The following LAMA2 variants were observed in gnomAD, a reference collection of about 807,000 sequenced individuals.
LAMA2 encodes the protein laminin subunit alpha 2, also known as laminin subunit alpha-2.
A neutral mutation model predicts 364.8 loss-of-function variants in LAMA2; 269 were observed. The observed-to-expected ratio is 0.74, with a 90% CI of 0.67 to 0.82. The LOEUF is 0.82. LAMA2 is among the 40% of genes least tolerant of loss of function. The pLI, the probability that LAMA2 is intolerant of heterozygous loss-of-function variation, is 0.00. For missense variants in LAMA2, 3,807 were observed against 3,873.2 expected (o/e 0.98, Z 0.45); for synonymous variants, 1,379 against 1,370.6 (o/e 1.01, Z -0.14).
At chr6:129,179,518 G>T (rs1190762294) in intron 10 of LAMA2, among the ~76,000 whole-genome samples, 2 of 152,172 alleles carry the variant, frequency 1.3e-5, no homozygotes, top group East Asian at 3.9e-4. Flanking sequence ...GGGCTCCAAG[G>T]GAAAGCCCCT....
intron 29 of LAMA2, among the ~76,000 whole-genome samples, chr6:129,330,614 T>TTC (rs1336372681): frequency 6.7e-6 from 1 of 150,032 alleles, no homozygotes; most frequent in Non-Finnish European, 1.5e-5. Flanking sequence ...TTTTTTTTTT[T>TTC]TCCCACTGTG....
At chr6:128,971,236 T>A (rs1782168896) in intron 1 of LAMA2, among the ~76,000 whole-genome samples, 2 of 152,206 alleles carry the variant, frequency 1.3e-5, no homozygotes, top group Non-Finnish European at 2.9e-5. Flanking sequence ...ATTATATTGA[T>A]CATTTACAAT....
chr6:129,470,382 A>G, intron 51 of LAMA2, among the ~76,000 whole-genome samples: 1 of 151,958 alleles, frequency 6.6e-6, no homozygotes, highest in East Asian at 1.9e-4. Context: ...GGCAAAAATC[A>G]GGTCCAAGCA....
chr6:128,946,774 T>C (rs947113651), intron 1 of LAMA2, among the ~76,000 whole-genome samples: 2 of 152,222 alleles, frequency 1.3e-5, no homozygotes, highest in African/African-American at 4.8e-5. Flanking sequence ...CAGCGCCCAG[T>C]TGGAACATTT....
intron 1 of LAMA2, among the ~76,000 whole-genome samples, chr6:129,024,102 C>T (rs912977892): frequency 3.9e-5 from 6 of 152,092 alleles, no homozygotes; most frequent in African/African-American, 7.2e-5. Flanking sequence ...GGGAAAAGTC[C>T]GGTCTCTTCC....
At chr6:129,383,315 C>G (rs189043247) in intron 35 of LAMA2, 82 bp downstream of exon 35, 34 of 1,087,548 alleles carry the variant, frequency 3.1e-5, no homozygotes, top group Admixed American at 5.9e-5. Context: ...TGGAATTTCT[C>G]TTGTTATAAG....
intron 1 of LAMA2, among the ~76,000 whole-genome samples, chr6:128,955,043 A>T (rs2114577904): frequency 6.6e-6 from 1 of 151,834 alleles, no homozygotes; most frequent in Non-Finnish European, 1.5e-5. Flanking sequence ...ATTATTATTG[A>T]GATGTTTCAT....
intron 61 of LAMA2, among the ~76,000 whole-genome samples, chr6:129,506,516 T>C (rs960421650): frequency 7.2e-5 from 11 of 152,184 alleles, no homozygotes; most frequent in Non-Finnish European, 1.3e-4. Flanking sequence ...AGTACAGTTA[T>C]CCAATTTTGG....
chr6:129,451,174 C>T (rs920679454), intron 45 of LAMA2, among the ~76,000 whole-genome samples: 1 of 152,160 alleles, frequency 6.6e-6, no homozygotes, highest in Non-Finnish European at 1.5e-5. Context: ...TATTAACATC[C>T]AAGTAAAAAT....
In LAMA2 at chr6:129,205,763, G is replaced by A. The variant is rs117700734; in HGVS notation, c.1782+12910G>A. 5.5e-4 allele frequency among the ~76,000 whole-genome samples: 83 copies of A among 152,108 alleles called. 2 individuals carry two copies. The East Asian group carries it at 0.016, about 29-fold the overall frequency. On this transcript the variant is annotated intron_variant, in intron 12 of 64. Coordinates refer to ENST00000421865, the MANE Select transcript of LAMA2 (RefSeq NM_000426.4). ...TAGGAGGCCAGGTGCACTGGCTCAC[G>A]CCTGTAATCCCAACACTTTTGGTGG...
At position 129,369,639 on chromosome 6, in the gene LAMA2, A is replaced by C. The variant is rs1020504737; in HGVS notation, c.4861-253A>C. 4.6e-5 allele frequency among the ~76,000 whole-genome samples: 7 copies of C among 152,314 alleles called. No individual in the cohort carries two copies. In the East Asian group the frequency reaches 1.3e-3, roughly 29 times the overall value. On this transcript the variant is annotated intron_variant, in intron 33 of 64. Transcript: ENST00000421865. ...CTTACCCCCCATAGAGCTGTTGTGA[A>C]AATTAAATGAAAAAACAAAACATAA...
chr6:129,437,690 G>T (rs1781901669), intron 41 of LAMA2, among the ~76,000 whole-genome samples: 2 of 151,880 alleles, frequency 1.3e-5, no homozygotes, highest in Non-Finnish European at 2.9e-5. Flanking sequence ...TTCATATTTT[G>T]TTTTTTCAAT....
intron 1 of LAMA2, among the ~76,000 whole-genome samples, chr6:129,024,787 T>G (rs1785690006): frequency 6.6e-6 from 1 of 152,026 alleles, no homozygotes; most frequent in Admixed American, 6.6e-5. Flanking sequence ...TTATGGTCAG[T>G]CAGAGTAAAA....
chr6:129,389,367 C>G (rs910115782), intron 35 of LAMA2, among the ~76,000 whole-genome samples: 5 of 152,092 alleles, frequency 3.3e-5, no homozygotes, highest in African/African-American at 1.2e-4. Context: ...CTGAGAGGTC[C>G]AAGATCAAGG....
At chr6:128,899,663 C>T (rs994581280) in intron 1 of LAMA2, among the ~76,000 whole-genome samples, 8 of 152,170 alleles carry the variant, frequency 5.3e-5, no homozygotes, top group African/African-American at 1.9e-4. Context: ...TAAATTTCTA[C>T]AAATACTGAA....
intron 1 of LAMA2, among the ~76,000 whole-genome samples, chr6:129,017,981 T>G (rs1785184074): frequency 6.6e-6 from 1 of 151,996 alleles, no homozygotes; most frequent in African/African-American, 2.4e-5. Context: ...GAAATTTTGT[T>G]TCTGATGGCA....
intron 4 of LAMA2, among the ~76,000 whole-genome samples, chr6:129,134,034 G>T (rs955713356): frequency 1.3e-5 from 2 of 152,154 alleles, no homozygotes; most frequent in Admixed American, 1.3e-4. Context: ...CCTGCTCCAA[G>T]ATTTTATTTT....
At chr6:129,498,781 C>G (rs780100731) in intron 58 of LAMA2, among the ~76,000 whole-genome samples, 1 of 152,206 alleles carries the variant, frequency 6.6e-6, no homozygotes, top group African/African-American at 2.4e-5. Context: ...ATATAAATCT[C>G]TGCTCAGGAC....
chr6:129,196,557 T>C (rs1781865982), intron 12 of LAMA2, among the ~76,000 whole-genome samples: 1 of 152,180 alleles, frequency 6.6e-6, no homozygotes, highest in Admixed American at 6.6e-5. Context: ...CTAACAAATA[T>C]GTTCCACTCT....
Sources: gnomAD v4.1 joint callset for allele counts (sites outside exome capture counted in the v4.1 genomes callset) on GRCh38, gnomAD v4.1.1 for gene constraint, MANE v1.5 for transcripts, NCBI Gene and HGNC (gene_info 2026-07-23, HGNC 2026-07-21) for gene names.